Variants in C12orf42 observed in about 807,000 individuals in gnomAD.
The protein encoded by C12orf42 is uncharacterized protein C12orf42.
A neutral mutation model predicts 21.6 loss-of-function variants in C12orf42; 25 were observed. That is an observed-to-expected ratio of 1.16 (90% CI 0.84 to 1.62). The LOEUF (loss-of-function observed/expected upper bound fraction) is 1.62, where lower values mean the gene tolerates loss of function less well. C12orf42 is among the 40% of genes most tolerant of loss of function. C12orf42 has a pLI of 0.00. For missense variants in C12orf42, 483 were observed against 459.3 expected, an observed-to-expected ratio of 1.05 and a Z score of -0.47; for synonymous variants, 174 against 175.0, an observed-to-expected ratio of 0.99 and a Z score of 0.05.
chr12:103,167,440 G>C, the C12orf42 span, among the ~76,000 whole-genome samples: 3 of 152,150 alleles, frequency 2.0e-5, no homozygotes, highest in African/African-American at 7.2e-5. Context: ...CAAATCTCTA[G>C]TCCTTGAATT....
chr12:103,221,576 C>A, the C12orf42 span, among the ~76,000 whole-genome samples: 1 of 152,190 alleles, frequency 6.6e-6, no homozygotes, highest in East Asian at 1.9e-4. Flanking sequence ...TCTCTACCAT[C>A]CCTTACTGTG....
intron 2 of C12orf42, 185 bp downstream of exon 2, chr12:103,478,164 A>T: frequency 3.9e-6 from 2 of 512,970 alleles, no homozygotes; most frequent in Middle Eastern, 4.9e-4. Context: ...AAAATAATTT[A>T]TGAAGGCATT....
At chr12:103,188,353 C>T in the C12orf42 span, among the ~76,000 whole-genome samples, 4 of 151,724 alleles carry the variant, frequency 2.6e-5, no homozygotes, top group Non-Finnish European at 2.9e-5. Flanking sequence ...GTGAGTTCTT[C>T]GGTGGAGATT....
the C12orf42 span, among the ~76,000 whole-genome samples, chr12:103,207,662 A>G: frequency 6.6e-6 from 1 of 152,200 alleles, no homozygotes; most frequent in African/African-American, 2.4e-5. Context: ...CCAAGCTGAG[A>G]AATTTTGATT....
chr12:103,353,188 T>A (rs1174933295), intron 4 of C12orf42, among the ~76,000 whole-genome samples: 1 of 151,760 alleles, frequency 6.6e-6, no homozygotes, highest in African/African-American at 2.4e-5. Flanking sequence ...CACTGAGAAA[T>A]GCAGAGAGCC....
intron 4 of C12orf42, among the ~76,000 whole-genome samples, chr12:103,311,253 C>G (rs374263447): frequency 6.7e-4 from 102 of 151,952 alleles, no homozygotes; most frequent in African/African-American, 2.4e-3. Flanking sequence ...TAATAAGCCA[C>G]TAGGTATGAT....
chr12:103,485,251 G>C (rs538473974), intron 1 of C12orf42, among the ~76,000 whole-genome samples: 6 of 152,192 alleles, frequency 3.9e-5, no homozygotes, highest in South Asian at 2.1e-4. Context: ...TTTCTTGTTT[G>C]TGTCAGGTTT....
the C12orf42 span, among the ~76,000 whole-genome samples, chr12:103,125,470 G>A: frequency 6.6e-6 from 1 of 152,064 alleles, no homozygotes; most frequent in Non-Finnish European, 1.5e-5. Context: ...CAATATATAA[G>A]TAGAGAAGAT....
chr12:103,360,573 C>T (rs1382549438), intron 4 of C12orf42, among the ~76,000 whole-genome samples: 1 of 152,002 alleles, frequency 6.6e-6, no homozygotes, highest in Non-Finnish European at 1.5e-5. Flanking sequence ...TCTCAAGATC[C>T]TAGTATACCA....
At chr12:103,293,270 T>C (rs181660685) in intron 4 of C12orf42, among the ~76,000 whole-genome samples, 1 of 152,126 alleles carries the variant, frequency 6.6e-6, no homozygotes, top group Non-Finnish European at 1.5e-5. Flanking sequence ...CCCATGTCTT[T>C]TGCCTTACTC....
chr12:103,206,120 G>T, the C12orf42 span, among the ~76,000 whole-genome samples: 1 of 152,208 alleles, frequency 6.6e-6, no homozygotes, highest in East Asian at 1.9e-4. Context: ...CTAGGGTTTA[G>T]TGCCTAGTGA....
At chr12:103,503,355 G>A in the C12orf42 span, 8 of 152,408 alleles carry the variant, frequency 5.2e-5, no homozygotes, top group Admixed American at 6.5e-5. Flanking sequence ...CACAGTCCTC[G>A]TTCCGCCCCC....
At chr12:103,109,442 C>A in the C12orf42 span, among the ~76,000 whole-genome samples, 4 of 151,874 alleles carry the variant, frequency 2.6e-5, no homozygotes, top group Non-Finnish European at 5.9e-5. Context: ...GAGTGAGAGG[C>A]GGTGGTGTAC....
At chr12:103,223,144 T>A in the C12orf42 span, among the ~76,000 whole-genome samples, 1 of 152,042 alleles carries the variant, frequency 6.6e-6, no homozygotes, top group African/African-American at 2.4e-5. Context: ...CTTATATTAA[T>A]AAGAAAAATA....
At chr12:103,416,496 T>G (rs1323241730) in intron 2 of C12orf42, among the ~76,000 whole-genome samples, 1 of 152,104 alleles carries the variant, frequency 6.6e-6, no homozygotes, top group African/African-American at 2.4e-5. Context: ...AATACAGGAA[T>G]GATAAATTCA....
the C12orf42 span, among the ~76,000 whole-genome samples, chr12:103,534,500 G>T: frequency 1.3e-5 from 2 of 152,094 alleles, no homozygotes; most frequent in South Asian, 4.1e-4. Context: ...CCAACCTTGT[G>T]TCACAAGTAG....
intron 10 of C12orf42, among the ~76,000 whole-genome samples, chr12:103,252,989 G>T (rs577557139): frequency 1.3e-5 from 2 of 152,220 alleles, no homozygotes; most frequent in East Asian, 3.9e-4. Context: ...TGTATAAGGT[G>T]TAAGGAAGGG....
chr12:103,467,227 T>C (rs753949232), intron 2 of C12orf42, among the ~76,000 whole-genome samples: 4 of 152,232 alleles, frequency 2.6e-5, no homozygotes, highest in Non-Finnish European at 5.9e-5. Context: ...AAAATTAAGA[T>C]TTGCTATTTA....
At chr12:103,327,945 GT>G (rs1231798648) in intron 4 of C12orf42, among the ~76,000 whole-genome samples, 1 of 152,180 alleles carries the variant, frequency 6.6e-6, no homozygotes, top group African/African-American at 2.4e-5. Context: ...AAAAAATTGA[GT>G]TTGTTATTTT....
Sources: allele counts gnomAD v4.1 joint callset (sites outside exome capture counted in the v4.1 genomes callset), GRCh38; gene constraint gnomAD v4.1.1; transcripts MANE v1.5; gene names NCBI Gene and HGNC (gene_info 2026-07-23, HGNC 2026-07-21).